Variants in RPS6KA2 observed in about 807,000 individuals in gnomAD.
RPS6KA2 encodes the protein ribosomal protein S6 kinase alpha-2.
Under a neutral mutation model 91.8 loss-of-function variants are expected in RPS6KA2, and 42 were observed. The ratio of observed to expected loss-of-function variants is 0.46; its 90% CI spans 0.36 to 0.59. The LOEUF is 0.59. Among genes scored for constraint, RPS6KA2 ranks in the 20% least tolerant of loss-of-function variants. RPS6KA2 has a pLI of 0.00. For synonymous variants in RPS6KA2, 414 were observed against 393.6 expected (o/e 1.05, Z -0.61); for missense variants, 798 against 978.5 (o/e 0.82, Z 2.46).
At chr6:166,815,840 G>A (rs369969337) in intron 2 of RPS6KA2, among the ~76,000 whole-genome samples, 8 of 152,182 alleles carry the variant, frequency 5.3e-5, no homozygotes, top group African/African-American at 9.7e-5. Flanking sequence ...GGTTTTTGCC[G>A]TTGCCTACTT....
intron 1 of RPS6KA2, among the ~76,000 whole-genome samples, chr6:166,568,036 A>AATACCTCCACCGCCAGCCC (rs1266359872): frequency 6.6e-6 from 1 of 152,154 alleles, no homozygotes; most frequent in Non-Finnish European, 1.5e-5. Flanking sequence ...TGGAAGAGGA[A>AATACCTCCACCGCCAGCCC]ATACCTCCAC....
intron 1 of RPS6KA2, among the ~76,000 whole-genome samples, chr6:166,558,044 ATGTATGTGTCTATAGATT>A (rs1259578149): frequency 1.3e-5 from 2 of 151,716 alleles, no homozygotes; most frequent in Non-Finnish European, 2.9e-5. Flanking sequence ...ATAGGTGTGT[ATGTATGTGTCTATAGATT>A]TGTATGTGTA....
chr6:166,823,652 C>A (rs1779961060), intron 2 of RPS6KA2, among the ~76,000 whole-genome samples: 1 of 152,142 alleles, frequency 6.6e-6, no homozygotes, highest in Admixed American at 6.5e-5. Flanking sequence ...AAGAAAGTTC[C>A]TAGTGTTATT....
intron 2 of RPS6KA2, among the ~76,000 whole-genome samples, chr6:166,836,671 A>G (rs534321176): frequency 1.1e-4 from 17 of 152,156 alleles, no homozygotes; most frequent in South Asian, 1.0e-3. Flanking sequence ...ATCTCTCATC[A>G]TATTTATTAT....
intron 15 of RPS6KA2, among the ~76,000 whole-genome samples, chr6:166,431,534 A>C (rs556327020): frequency 6.6e-6 from 1 of 152,308 alleles, no homozygotes; most frequent in African/African-American, 2.4e-5. Context: ...GTTGCTTCAG[A>C]GAAGCAATAG....
At chr6:166,536,454 A>C (rs1158656361) in intron 2 of RPS6KA2, among the ~76,000 whole-genome samples, 1 of 152,238 alleles carries the variant, frequency 6.6e-6, no homozygotes, top group East Asian at 1.9e-4. Context: ...AGTTTTGCTT[A>C]AATTAAAAAA....
In RPS6KA2 at chr6:166,798,147, A is replaced by G. The variant is rs544026536; in HGVS notation, c.123+60053T>C. On this transcript the variant is annotated intron_variant, in intron 2 of 21. Coordinates refer to the RPS6KA2 transcript ENST00000503859. ...ACCATTCGCCCTCAGTGTTTATCCC[A>G]TGGTAATTAAAACCAACTGTAGCTA... 1.4e-4 allele frequency among the ~76,000 whole-genome samples: 21 copies of G among 152,302 alleles called. No homozygotes were observed. In the East Asian group the frequency reaches 3.5e-3, roughly 25 times the overall value.
intron 2 of RPS6KA2, among the ~76,000 whole-genome samples, chr6:166,785,348 G>A (rs1007382482): frequency 6.6e-5 from 10 of 152,346 alleles, no homozygotes; most frequent in African/African-American, 2.4e-4. Flanking sequence ...TCCTCCCTAG[G>A]TCGCTGGCTC....
chr6:166,728,837 G>T (rs190282802), intron 2 of RPS6KA2, among the ~76,000 whole-genome samples: 1 of 152,350 alleles, frequency 6.6e-6, no homozygotes, highest in East Asian at 1.9e-4. Context: ...TCTCATGTGG[G>T]TGATGTCCAC....
intron 12 of RPS6KA2, among the ~76,000 whole-genome samples, chr6:166,455,042 C>T (rs1377411837): frequency 6.6e-6 from 1 of 151,820 alleles, no homozygotes; most frequent in African/African-American, 2.4e-5. Flanking sequence ...TTAAGACTCC[C>T]TGTATGTATA....
At chr6:166,745,300 T>TCACCC (rs1790967180) in intron 2 of RPS6KA2, among the ~76,000 whole-genome samples, 1 of 152,058 alleles carries the variant, frequency 6.6e-6, no homozygotes, top group South Asian at 2.1e-4. Flanking sequence ...TTCAGGTGTG[T>TCACCC]GCCACCATGC....
chr6:166,453,074 G>A (rs987705643), intron 12 of RPS6KA2, among the ~76,000 whole-genome samples: 8 of 151,932 alleles, frequency 5.3e-5, no homozygotes, highest in Non-Finnish European at 1.0e-4. Context: ...GGTGGTGTAC[G>A]CCTGTAATCC....
chr6:166,611,243 G>A (rs1306871603), intron 1 of RPS6KA2, among the ~76,000 whole-genome samples: 2 of 152,076 alleles, frequency 1.3e-5, no homozygotes, highest in African/African-American at 4.8e-5. Context: ...TAGCCATTTA[G>A]CATAATTTCA....
intron 2 of RPS6KA2, among the ~76,000 whole-genome samples, chr6:166,718,681 A>T (rs1367216193): frequency 1.3e-5 from 2 of 152,170 alleles, no homozygotes; most frequent in East Asian, 3.9e-4. Flanking sequence ...TTCAATACAG[A>T]CGTATCTGTA....
chr6:166,541,569 A>G (rs911559908), intron 1 of RPS6KA2, among the ~76,000 whole-genome samples: 2 of 152,160 alleles, frequency 1.3e-5, no homozygotes, highest in Admixed American at 6.5e-5. Context: ...GGCACCTCAG[A>G]ATTCCCATGG....
intron 3 of RPS6KA2, among the ~76,000 whole-genome samples, chr6:166,516,520 T>A (rs1782647593): frequency 6.6e-6 from 1 of 152,232 alleles, no homozygotes; most frequent in South Asian, 2.1e-4. Context: ...CTCTCTGAGC[T>A]GCCTGCTGGC....
At chr6:166,709,084 C>T (rs1027426385) in intron 2 of RPS6KA2, among the ~76,000 whole-genome samples, 1 of 152,194 alleles carries the variant, frequency 6.6e-6, no homozygotes, top group Non-Finnish European at 1.5e-5. Context: ...CGGGTACTAT[C>T]GGCTTGTTTT....
At chr6:166,484,106 T>C (rs1781328255) in intron 10 of RPS6KA2, among the ~76,000 whole-genome samples, 1 of 152,196 alleles carries the variant, frequency 6.6e-6, no homozygotes, top group Non-Finnish European at 1.5e-5. Flanking sequence ...CTTTACCACT[T>C]GACAGGGAAA....
At chr6:166,553,676 T>C (rs1054410896) in intron 1 of RPS6KA2, among the ~76,000 whole-genome samples, 1 of 152,046 alleles carries the variant, frequency 6.6e-6, no homozygotes, top group Non-Finnish European at 1.5e-5. Context: ...GCTCACATAT[T>C]ATCACACGTG....
Sources: gnomAD v4.1 joint callset for allele counts (sites outside exome capture counted in the v4.1 genomes callset) on GRCh38, gnomAD v4.1.1 for gene constraint, MANE v1.5 for transcripts, NCBI Gene and HGNC (gene_info 2026-07-23, HGNC 2026-07-21) for gene names.